DCC: variants seen among roughly 807,000 people sequenced by gnomAD.
The protein encoded by DCC is netrin receptor DCC.
DCC carries 58 observed loss-of-function variants against 172.5 expected under a neutral mutation model. The observed-to-expected ratio is 0.34, with a 90% CI of 0.27 to 0.42. The LOEUF (loss-of-function observed/expected upper bound fraction) is 0.42. Among genes scored for constraint, DCC ranks in the 10% least tolerant of loss-of-function variants. The probability of loss-of-function intolerance (pLI) is 1.00; values close to 1 mark genes in which losing one functional copy is unlikely to be tolerated. For missense variants in DCC, 1,740 were observed against 1,791.0 expected (o/e 0.97, Z 0.51); for synonymous variants, 709 against 644.5 (o/e 1.10, Z -1.52).
At chr18:52,457,058 G>A (rs1988480935) in intron 1 of DCC, among the ~76,000 whole-genome samples, 1 of 151,956 alleles carries the variant, frequency 6.6e-6, no homozygotes, top group Admixed American at 6.5e-5. Context: ...CTTTTTGTAT[G>A]AGCTTTTCAT....
intron 5 of DCC, among the ~76,000 whole-genome samples, chr18:53,014,247 AT>A (rs1414471085): frequency 6.6e-6 from 1 of 152,108 alleles, no homozygotes; most frequent in Non-Finnish European, 1.5e-5. Flanking sequence ...TTAAGCATAT[AT>A]TTGAAGTTAA....
At chr18:52,614,774 C>T (rs773469138) in intron 1 of DCC, among the ~76,000 whole-genome samples, 1 of 152,086 alleles carries the variant, frequency 6.6e-6, no homozygotes, top group Non-Finnish European at 1.5e-5. Context: ...AAAAAAATCT[C>T]AAATTTCAAC....
At chr18:52,990,148 G>A (rs537608846) in intron 5 of DCC, among the ~76,000 whole-genome samples, 2 of 152,044 alleles carry the variant, frequency 1.3e-5, no homozygotes, top group African/African-American at 4.8e-5. Flanking sequence ...GGTGGTATAC[G>A]CCAGAGTAGA....
intron 2 of DCC, among the ~76,000 whole-genome samples, chr18:52,783,488 T>C (rs1422028834): frequency 2.6e-5 from 4 of 151,816 alleles, no homozygotes; most frequent in Admixed American, 2.6e-4. Flanking sequence ...TCTTTCTGAA[T>C]CCTTATAAAA....
chr18:52,768,698 G>A (rs1722806364), intron 2 of DCC, among the ~76,000 whole-genome samples: 1 of 152,104 alleles, frequency 6.6e-6, no homozygotes, highest in African/African-American at 2.4e-5. Context: ...GCATGTGTTT[G>A]TGTGCATGTG....
At chr18:52,687,337 T>A (rs2035855994) in intron 1 of DCC, among the ~76,000 whole-genome samples, 1 of 147,662 alleles carries the variant, frequency 6.8e-6, no homozygotes, top group Admixed American at 7.0e-5. Context: ...CAGGCTGGAG[T>A]GTGATGGTGT....
chr18:52,985,794 T>C (rs1396347201), intron 5 of DCC, among the ~76,000 whole-genome samples: 1 of 152,138 alleles, frequency 6.6e-6, no homozygotes, highest in Non-Finnish European at 1.5e-5. Context: ...ATGAGATTCT[T>C]CAACTATTTA....
At chr18:53,042,731 C>T (rs1471077968) in intron 5 of DCC, among the ~76,000 whole-genome samples, 1 of 151,896 alleles carries the variant, frequency 6.6e-6, no homozygotes, top group Non-Finnish European at 1.5e-5. Flanking sequence ...CTGGTCATTA[C>T]AGAAATGCAA....
chr18:53,206,165 A>G (rs1273910605), intron 10 of DCC, among the ~76,000 whole-genome samples: 3 of 142,010 alleles, frequency 2.1e-5, no homozygotes, highest in Non-Finnish European at 4.5e-5. Flanking sequence ...ATACATATAT[A>G]CATATACATA....
At chr18:52,581,777 T>A (rs2033556793) in intron 1 of DCC, among the ~76,000 whole-genome samples, 1 of 152,164 alleles carries the variant, frequency 6.6e-6, no homozygotes, top group Non-Finnish European at 1.5e-5. Flanking sequence ...ACTTTGCAAA[T>A]TATTTATTCA....
intron 1 of DCC, among the ~76,000 whole-genome samples, 180 bp from the exon 2 acceptor site, chr18:52,751,874 T>C (rs144842654): frequency 8.5e-5 from 13 of 152,050 alleles, no homozygotes; most frequent in African/African-American, 3.1e-4. Flanking sequence ...TATGATTACC[T>C]CGACTGGGTA....
chr18:53,118,196 A>G (rs1173753818), intron 7 of DCC, among the ~76,000 whole-genome samples: 1 of 151,812 alleles, frequency 6.6e-6, no homozygotes, highest in Non-Finnish European at 1.5e-5. Flanking sequence ...ATATTTTTGC[A>G]GTGACATGAT....
intron 1 of DCC, among the ~76,000 whole-genome samples, chr18:52,540,844 G>A (rs1388146808): frequency 1.3e-5 from 2 of 151,942 alleles, no homozygotes; most frequent in African/African-American, 2.4e-5. Context: ...CTGACTTCGT[G>A]ATCCGCCCGC....
At chr18:53,465,516 G>T (rs1253701111) in intron 24 of DCC, among the ~76,000 whole-genome samples, 1 of 151,936 alleles carries the variant, frequency 6.6e-6, no homozygotes, top group Non-Finnish European at 1.5e-5. Context: ...TGTTGTTCTT[G>T]TCTGTAGTTT....
intron 1 of DCC, among the ~76,000 whole-genome samples, chr18:52,390,309 G>T (rs1337601917): frequency 1.3e-5 from 2 of 151,986 alleles, no homozygotes; most frequent in Non-Finnish European, 2.9e-5. Context: ...TCTACCTGCT[G>T]GGAGACATCC....
chr18:52,999,433 C>T (rs941930904), intron 5 of DCC, among the ~76,000 whole-genome samples: 1 of 152,000 alleles, frequency 6.6e-6, no homozygotes. Context: ...TGCACCCTTT[C>T]CTGTTTAGAA....
At chr18:53,431,598 C>T (rs921188008) in intron 21 of DCC, among the ~76,000 whole-genome samples, 1 of 151,940 alleles carries the variant, frequency 6.6e-6, no homozygotes, top group Non-Finnish European at 1.5e-5. Context: ...AGCAATTTTG[C>T]CTCCACCTCC....
intron 27 of DCC, among the ~76,000 whole-genome samples, chr18:53,520,012 C>A (rs1402098801): frequency 6.6e-6 from 1 of 152,126 alleles, no homozygotes; most frequent in Non-Finnish European, 1.5e-5. Flanking sequence ...TGCCTCAAGG[C>A]AGTCCATTAT....
chr18:52,508,199 G>C (rs910607735), intron 1 of DCC, among the ~76,000 whole-genome samples: 1 of 152,198 alleles, frequency 6.6e-6, no homozygotes, highest in South Asian at 2.1e-4. Context: ...CTGCTTTTCT[G>C]TTATGTCTCA....
Sources: gnomAD v4.1 joint callset for allele counts (sites outside exome capture counted in the v4.1 genomes callset) on GRCh38, gnomAD v4.1.1 for gene constraint, MANE v1.5 for transcripts, NCBI Gene and HGNC (gene_info 2026-07-23, HGNC 2026-07-21) for gene names.